Variants in ARMC9 observed in about 807,000 individuals in gnomAD.
ARMC9 encodes armadillo repeat containing 9.
In ARMC9, 94 loss-of-function variants were observed where a neutral mutation model predicts 107.0. That is an observed-to-expected ratio of 0.88 (90% CI 0.74 to 1.04). The LOEUF (loss-of-function observed/expected upper bound fraction) is 1.04. ARMC9 is among the 50% of genes least tolerant of loss of function. The pLI is 0.00. For missense variants in ARMC9, 942 were observed against 1,030.1 expected (o/e 0.91, Z 1.17); for synonymous variants, 380 against 396.9 (o/e 0.96, Z 0.51).
chr2:231,266,268 G>A (rs77963461), intron 12 of ARMC9, among the ~76,000 whole-genome samples: 138 of 152,256 alleles, frequency 9.1e-4, no homozygotes, highest in African/African-American at 3.1e-3. Flanking sequence ...CTATGGTGGG[G>A]CCCAAGGATT....
chr2:231,200,782 C>G (rs1368315896), intron 1 of ARMC9, among the ~76,000 whole-genome samples: 1 of 151,432 alleles, frequency 6.6e-6, no homozygotes. Context: ...TTGCAGTGAG[C>G]CGAGATCCCG....
intron 19 of ARMC9, among the ~76,000 whole-genome samples, chr2:231,307,981 G>A (rs1194129399): frequency 1.3e-5 from 2 of 152,236 alleles, no homozygotes; most frequent in Non-Finnish European, 1.5e-5. Context: ...AACCAAGGGG[G>A]GTTCACTTTG....
intron 6 of ARMC9, among the ~76,000 whole-genome samples, chr2:231,225,656 TGTCCAAAA>T: frequency 6.6e-6 from 1 of 152,208 alleles, no homozygotes; most frequent in Non-Finnish European, 1.5e-5. Flanking sequence ...ATTCATAAAA[TGTCCAAAA>T]GAGGCAAATC....
intron 9 of ARMC9, among the ~76,000 whole-genome samples, chr2:231,247,802 A>C (rs535257902): frequency 6.6e-6 from 1 of 152,304 alleles, no homozygotes; most frequent in East Asian, 1.9e-4. Context: ...GTGGTGGCAC[A>C]CACCTGTAAT....
At chr2:231,361,594 G>A (rs892715622) in intron 23 of ARMC9, among the ~76,000 whole-genome samples, 3 of 152,052 alleles carry the variant, frequency 2.0e-5, no homozygotes, top group Non-Finnish European at 4.4e-5. Flanking sequence ...GGTCTAGAAA[G>A]GACCTTTCCA....
chr2:231,244,183 A>G (rs546113514), intron 9 of ARMC9, among the ~76,000 whole-genome samples: 1 of 152,310 alleles, frequency 6.6e-6, no homozygotes, highest in South Asian at 2.1e-4. Flanking sequence ...CTGGCAGTTA[A>G]CAAGAATCTG....
chr2:231,289,597 G>A (rs1289802621), intron 17 of ARMC9, among the ~76,000 whole-genome samples: 1 of 152,208 alleles, frequency 6.6e-6, no homozygotes, highest in Non-Finnish European at 1.5e-5. Flanking sequence ...TTGTGAGATA[G>A]ATATAAAATT....
intron 12 of ARMC9, chr2:231,270,688 A>G (rs1179635713): frequency 3.6e-6 from 2 of 558,232 alleles, no homozygotes; most frequent in Admixed American, 2.2e-5. Context: ...TAACCTGGAA[A>G]ACAGCCGCAA....
intron 9 of ARMC9, among the ~76,000 whole-genome samples, chr2:231,250,142 G>A (rs2037164014): frequency 6.6e-6 from 1 of 152,214 alleles, no homozygotes; most frequent in Admixed American, 6.5e-5. Flanking sequence ...GCACTCACTT[G>A]GGCTGGAGTG....
At chr2:231,309,064 A>G (rs185591884) in intron 19 of ARMC9, among the ~76,000 whole-genome samples, 61 of 152,340 alleles carry the variant, frequency 4.0e-4, no homozygotes, top group Admixed American at 6.5e-4. Context: ...GTGTTTCCCA[A>G]TTAAGGCTTT....
At chr2:231,347,471 G>C (rs1305089593) in intron 21 of ARMC9, among the ~76,000 whole-genome samples, 1 of 151,680 alleles carries the variant, frequency 6.6e-6, no homozygotes, top group African/African-American at 2.4e-5. Flanking sequence ...TACTCCAGAC[G>C]GGCTACACGA....
chr2:231,364,426 G>T (rs1474311690), intron 23 of ARMC9, among the ~76,000 whole-genome samples: 3 of 152,228 alleles, frequency 2.0e-5, no homozygotes, highest in African/African-American at 7.2e-5. Flanking sequence ...AGAAGAGATT[G>T]TACATATGTC....
chr2:231,212,760 G>A (rs890075866), intron 3 of ARMC9, among the ~76,000 whole-genome samples: 4 of 152,344 alleles, frequency 2.6e-5, no homozygotes, highest in South Asian at 4.1e-4. Flanking sequence ...CCTGCATTCA[G>A]CTGCTTGTGC....
chr2:231,325,844 C>T (rs2043284377), intron 19 of ARMC9, among the ~76,000 whole-genome samples: 1 of 152,148 alleles, frequency 6.6e-6, no homozygotes, highest in Non-Finnish European at 1.5e-5. Flanking sequence ...TAGCACTTGG[C>T]AGAGCTGGCA....
At chr2:231,229,073 A>G (rs80008616) in intron 7 of ARMC9, among the ~76,000 whole-genome samples, 14,569 of 151,936 alleles carry the variant, frequency 0.096, 910 homozygotes, top group South Asian at 0.27. Flanking sequence ...TTTAGGGTCA[A>G]TTTTAACTGA....
At chr2:231,296,582 G>A (rs576431988) in intron 19 of ARMC9, among the ~76,000 whole-genome samples, 3 of 152,310 alleles carry the variant, frequency 2.0e-5, no homozygotes, top group African/African-American at 7.2e-5. Flanking sequence ...CACGAGCCTC[G>A]GCCTGTCTTC....
chr2:231,237,751 A>ATGTG (rs1238247179), intron 8 of ARMC9, among the ~76,000 whole-genome samples: 2 of 48,312 alleles, frequency 4.1e-5, no homozygotes, highest in African/African-American at 1.9e-4. Context: ...TCTTGGCTAT[A>ATGTG]TGTATATATA....
intron 4 of ARMC9, chr2:231,215,250 C>T (rs1283532264): frequency 7.4e-6 from 3 of 402,956 alleles, no homozygotes; most frequent in Middle Eastern, 7.0e-4. Context: ...TTTTTGAAAC[C>T]TCATCAAAAT....
Position 231,235,211 on chromosome 2 carries a change from A to C in ARMC9, c.623-13A>C, listed in dbSNP as rs767252053. ...ATTTTTATTGATGTTGTTTGTTTTA[A>C]CTGTCTTCCTAGAAATCTTGCAGCA... On this transcript the variant is annotated splice_polypyrimidine_tract_variant and intron_variant, in intron 7 of 24. Coordinates refer to ENST00000611582, the MANE Select transcript of ARMC9 (RefSeq NM_001352754.2). 2 of 1,606,646 alleles carry C rather than the reference A, an allele frequency of 1.2e-6. No individual in the cohort carries two copies. The highest frequency in any genetic ancestry group is 1.7e-6 in the Non-Finnish European group (2 of 1,176,776).
Sources: gnomAD v4.1 joint callset for allele counts (sites outside exome capture counted in the v4.1 genomes callset) on GRCh38, gnomAD v4.1.1 for gene constraint, MANE v1.5 for transcripts, NCBI Gene and HGNC (gene_info 2026-07-23, HGNC 2026-07-21) for gene names.